Variants in SYNE1 observed in about 807,000 individuals in gnomAD.
SYNE1 encodes the protein nesprin-1.
SYNE1 carries 616 observed loss-of-function variants against 1,111.0 expected under a neutral mutation model. The observed-to-expected ratio is 0.55, with a 90% CI of 0.52 to 0.59. The LOEUF is 0.59. Ranked by LOEUF, SYNE1 falls within the 20% of genes least tolerant of loss-of-function variation. SYNE1 has a pLI of 0.00. For synonymous variants in SYNE1, 3,855 were observed against 3,825.8 expected (o/e 1.01, Z -0.28); for missense variants, 10,006 against 10,417.0 (o/e 0.96, Z 1.72).
chr6:152,339,390 G>T, intron 74 of SYNE1, 24 bp from the exon 75 acceptor site: 1 of 1,612,382 alleles, frequency 6.2e-7, no homozygotes, highest in Non-Finnish European at 8.5e-7. Flanking sequence ...TTATCAGAGT[G>T]AAAGAGATGC....
intron 128 of SYNE1, among the ~76,000 whole-genome samples, chr6:152,187,795 A>C (rs2070656183): frequency 6.6e-6 from 1 of 152,058 alleles, no homozygotes; most frequent in Non-Finnish European, 1.5e-5. Context: ...GTGTGATCTC[A>C]GCTCACTGCA....
intron 121 of SYNE1, among the ~76,000 whole-genome samples, chr6:152,216,164 A>G (rs769560164): frequency 6.6e-6 from 1 of 152,226 alleles, no homozygotes; most frequent in Non-Finnish European, 1.5e-5. Context: ...TTTTTGAAGA[A>G]AGAATAAATC....
At position 152,122,607 on chromosome 6, in the gene SYNE1, C is replaced by T. The variant is rs1402630826; in HGVS notation, c.26223G>A (p.Leu8741=). 6.2e-7 allele frequency: 1 copy of T among 1,614,184 alleles called. No individual in the cohort carries two copies. Among genetic ancestry groups the T allele is most frequent in the Non-Finnish European group, 8.5e-7 (1 of 1,180,024 alleles). ...GAAGAGCTGCTCGGAGGACTCTGAA[C>T]AGGAAGCCGCGGCCGGACCGACCTG... The part of the protein sequence containing the change: ...PGPGRSGRGF[L]FRVLRAALPL... Residue 8741 remains leucine, a synonymous_variant, in exon 146 of 146, where the codon CTG becomes CTA. Transcript: ENST00000367255.
At chr6:152,201,690 G>A (rs1452317916) in intron 127 of SYNE1, 134 bp downstream of exon 127, 11 of 1,298,306 alleles carry the variant, frequency 8.5e-6, no homozygotes, top group African/African-American at 1.5e-5. Context: ...CACCTGAGTT[G>A]CCTGTCCTTA....
chr6:152,264,058 A>T (rs1176394793), intron 100 of SYNE1, among the ~76,000 whole-genome samples: 1 of 151,624 alleles, frequency 6.6e-6, no homozygotes, highest in Non-Finnish European at 1.5e-5. Context: ...AAAATACAAA[A>T]ATTAGCCAGG....
Position 152,447,577 on chromosome 6 carries a change from G to C in SYNE1, c.3550C>G (p.Leu1184Val). ...GTCAAAACTTTCAGCCTGGATTTCA[G>C]CCAGCTGAGGGTCTCACCCCTTTTG... ...VTKRGETLSW[L>V]KSRLKVLTEV... Residue 1184 changes from leucine to valine, a missense_variant, in exon 29 of 146, where the codon CTG becomes GTG. By Grantham distance (32) the Leu-to-Val change is conservative. Coordinates refer to ENST00000367255, the MANE Select transcript of SYNE1 (RefSeq NM_182961.4). 3 of 1,614,156 alleles carry C rather than the reference G, an allele frequency of 1.9e-6. No individual in the cohort carries two copies. Among genetic ancestry groups the C allele is most frequent in the Non-Finnish European group, 2.5e-6 (3 of 1,180,016 alleles).
chr6:152,292,989 C>A (rs630548), intron 95 of SYNE1, among the ~76,000 whole-genome samples: 135,819 of 152,356 alleles, frequency 0.89, 60,860 homozygotes, highest in East Asian at 1. Flanking sequence ...TGCATTTTAA[C>A]TTGACACATT....
chr6:152,364,378 C>T (rs9383991), intron 63 of SYNE1, among the ~76,000 whole-genome samples: 74,265 of 151,628 alleles, frequency 0.49, 18,838 homozygotes, highest in Non-Finnish European at 0.56. Flanking sequence ...TTTCCCACTC[C>T]TCTATTTGTA....
intron 131 of SYNE1, 116 bp downstream of exon 131, chr6:152,164,047 C>A: frequency 7.0e-7 from 1 of 1,422,928 alleles, no homozygotes. Flanking sequence ...ACCAGTCCTG[C>A]CTAGCTCCCT....
At chr6:152,288,470 A>G (rs1446385907) in intron 95 of SYNE1, among the ~76,000 whole-genome samples, 1 of 152,208 alleles carries the variant, frequency 6.6e-6, no homozygotes, top group South Asian at 2.1e-4. Context: ...AAAACTCACA[A>G]TGTTCTTAAA....
chr6:152,281,107 CT>C (rs1433392121), intron 97 of SYNE1, among the ~76,000 whole-genome samples: 5 of 152,238 alleles, frequency 3.3e-5, no homozygotes, highest in Admixed American at 2.6e-4. Context: ...AATGAAAAAG[CT>C]TTTAAGGTAT....
chr6:152,571,134 A>G (rs1288327641), intron 3 of SYNE1, among the ~76,000 whole-genome samples: 2 of 152,212 alleles, frequency 1.3e-5, no homozygotes, highest in Non-Finnish European at 2.9e-5. Context: ...CTTAGTTTCA[A>G]TAAATTTAAC....
intron 33 of SYNE1, chr6:152,435,126 T>C (rs1243620436): frequency 2.0e-5 from 3 of 152,170 alleles, no homozygotes; most frequent in Admixed American, 2.0e-4. Context: ...TAGGCAAATG[T>C]AAAATGTTAA....
rs1302817844 is a variant in SYNE1 at position 152,510,999 on chromosome 6, G to A, written c.402+12C>T. 1 of 1,611,354 alleles carries A rather than the reference G, an allele frequency of 6.2e-7. No homozygotes were observed. Among genetic ancestry groups the A allele is most frequent in the African/African-American group, 1.3e-5 (1 of 74,838 alleles). ...CATTGCATCAACTGAAAGAGGAACT[G>A]TAGCACAATACCTGGAAATATAGAA... is the stretch of plus-strand genomic sequence containing the variant. On this transcript the variant is annotated intron_variant, in intron 7 of 145. Transcript: ENST00000367255.
At chr6:152,477,786 G>T (rs928328873) in intron 14 of SYNE1, among the ~76,000 whole-genome samples, 2 of 152,126 alleles carry the variant, frequency 1.3e-5, no homozygotes, top group African/African-American at 2.4e-5. Context: ...GACCAGAAAG[G>T]TACAGCCAGG....
intron 3 of SYNE1, among the ~76,000 whole-genome samples, chr6:152,582,673 G>C (rs1465926924): frequency 6.6e-6 from 1 of 151,896 alleles, no homozygotes; most frequent in Non-Finnish European, 1.5e-5. Flanking sequence ...GGCTTCTAGT[G>C]TACCCATTAC....
chr6:152,357,952 G>A (rs9478325), intron 66 of SYNE1, among the ~76,000 whole-genome samples: 28,387 of 152,062 alleles, frequency 0.19, 3,143 homozygotes, highest in African/African-American at 0.28. Context: ...CATCAGCAAT[G>A]TGGCAGGTTT....
chr6:152,522,148 G>T (rs1282335494), intron 5 of SYNE1, among the ~76,000 whole-genome samples: 3 of 151,942 alleles, frequency 2.0e-5, no homozygotes, highest in African/African-American at 7.2e-5. Flanking sequence ...ATATAGTGGT[G>T]AAGTCTCAGA....
chr6:152,160,827 T>C (rs1246825984), intron 131 of SYNE1, among the ~76,000 whole-genome samples: 1 of 152,162 alleles, frequency 6.6e-6, no homozygotes, highest in Non-Finnish European at 1.5e-5. Context: ...TAGGATCTCC[T>C]TATCCCTTGT....
Sources: allele counts gnomAD v4.1 joint callset (sites outside exome capture counted in the v4.1 genomes callset), GRCh38; gene constraint gnomAD v4.1.1; transcripts MANE v1.5; gene names NCBI Gene and HGNC (gene_info 2026-07-23, HGNC 2026-07-21).